The following KIAA1671 variants were observed in gnomAD, a reference collection of about 807,000 sequenced individuals.
KIAA1671 encodes the protein KIAA1671.
KIAA1671 carries 52 observed loss-of-function variants against 131.2 expected under a neutral mutation model. The ratio of observed to expected loss-of-function variants is 0.40; its 90% CI spans 0.32 to 0.50. KIAA1671 has a LOEUF of 0.50. KIAA1671 is among the 20% of genes least tolerant of loss of function. The pLI is 0.73. For missense variants in KIAA1671, 2,360 were observed against 2,364.2 expected, an observed-to-expected ratio of 1.00 and a Z score of 0.04; for synonymous variants, 1,003 against 961.6, an observed-to-expected ratio of 1.04 and a Z score of -0.80.
intron 1 of KIAA1671, among the ~76,000 whole-genome samples, chr22:25,009,094 G>A (rs997485118): frequency 6.6e-6 from 1 of 152,144 alleles, no homozygotes; most frequent in African/African-American, 2.4e-5. Context: ...GGAATGTGGA[G>A]TGGAGGGGAG....
intron 6 of KIAA1671, among the ~76,000 whole-genome samples, chr22:25,088,042 T>C (rs1204975206): frequency 6.6e-6 from 1 of 152,170 alleles, no homozygotes; most frequent in Non-Finnish European, 1.5e-5. Flanking sequence ...TTTGGTAAAA[T>C]GAAAGCTCTT....
At chr22:24,968,282 G>A (rs1418608508) in intron 1 of KIAA1671, among the ~76,000 whole-genome samples, 4 of 152,176 alleles carry the variant, frequency 2.6e-5, no homozygotes, top group African/African-American at 9.7e-5. Context: ...ACCTAGCAGA[G>A]CAGGTGTGAG....
intron 11 of KIAA1671, 83 bp downstream of exon 11, chr22:25,185,202 G>A (rs1004028990): frequency 5.1e-6 from 7 of 1,373,284 alleles, no homozygotes; most frequent in African/African-American, 1.5e-5. Flanking sequence ...AGGTTTTAGA[G>A]CTGAATAGAA....
intron 6 of KIAA1671, among the ~76,000 whole-genome samples, chr22:25,091,005 A>G (rs1382154368): frequency 1.3e-5 from 2 of 152,184 alleles, no homozygotes; most frequent in Non-Finnish European, 2.9e-5. Context: ...ACAGTAGGCA[A>G]TCAGTGAACT....
rs1926826777 is a variant in KIAA1671 at position 25,040,020 on chromosome 22, C to T, written c.2890C>T (p.Leu964Phe). The change falls in exon 5 of 13, where the codon CTT becomes TTT. Residue 964 changes from leucine to phenylalanine, a missense_variant. Transcript: ENST00000358431. ...PNVKFDTFSS[L>F]VPEDSPHVGH... ...CGTGAAATTTGATACATTCAGTTCT[C>T]TTGTCCCAGAGGACTCTCCACATGT... 5 of 1,551,594 alleles carry T rather than the reference C, an allele frequency of 3.2e-6. No homozygotes were observed. Among genetic ancestry groups the T allele is most frequent in the African/African-American group, 1.4e-5 (1 of 73,052 alleles).
intron 1 of KIAA1671, among the ~76,000 whole-genome samples, chr22:24,979,601 G>A (rs1033255967): frequency 3.3e-5 from 5 of 149,602 alleles, no homozygotes; most frequent in African/African-American, 4.9e-5. Flanking sequence ...CGCCCGCCTC[G>A]GCCTCCCAAA....
chr22:25,189,120 CT>C (rs1934576956), intron 11 of KIAA1671, among the ~76,000 whole-genome samples: 1 of 126,772 alleles, frequency 7.9e-6, no homozygotes, highest in African/African-American at 3.4e-5. Context: ...GGAGGCCAGT[CT>C]TTTTCTTTTT....
intron 6 of KIAA1671, among the ~76,000 whole-genome samples, chr22:25,135,601 C>G (rs1932642311): frequency 6.6e-6 from 1 of 152,192 alleles, no homozygotes; most frequent in African/African-American, 2.4e-5. Context: ...TGAAGTCAGA[C>G]ATGTGACTAA....
chr22:25,153,226 G>T (rs1459742010), intron 6 of KIAA1671, among the ~76,000 whole-genome samples: 1 of 152,128 alleles, frequency 6.6e-6, no homozygotes, highest in African/African-American at 2.4e-5. Flanking sequence ...CATCCCCCAA[G>T]AAACAATTTT....
In KIAA1671 at chr22:25,039,359, G is replaced by A. The variant is rs2145804809; in HGVS notation, c.2229G>A (p.Val743=). 1 of 1,551,878 alleles carries A rather than the reference G, an allele frequency of 6.4e-7. No individual in the cohort carries two copies. The highest frequency in any genetic ancestry group is 2.4e-5 in the East Asian group (1 of 40,920). The change falls in exon 5 of 13, where the codon GTG becomes GTA. Residue 743 remains valine, a synonymous_variant. Coordinates refer to ENST00000358431, the MANE Select transcript of KIAA1671 (RefSeq NM_001145206.2). The part of the protein sequence containing the change: ...YDIVHAVGER[V]HSEAISPAPE... ...TTGTGCATGCAGTGGGAGAGCGTGTGCACAGCGAGGCCATCTCACCGGCAC... is the reference window on the plus strand; with the variant it reads ...TTGTGCATGCAGTGGGAGAGCGTGTACACAGCGAGGCCATCTCACCGGCAC...
chr22:25,084,913 C>T (rs2145869467), intron 6 of KIAA1671, among the ~76,000 whole-genome samples: 1 of 152,366 alleles, frequency 6.6e-6, no homozygotes, highest in South Asian at 2.1e-4. Flanking sequence ...GCGTGGGCTT[C>T]CTCACAACAT....
At chr22:25,161,506 A>G (rs1050037906) in intron 6 of KIAA1671, among the ~76,000 whole-genome samples, 3 of 152,212 alleles carry the variant, frequency 2.0e-5, no homozygotes, top group Admixed American at 6.5e-5. Context: ...CGCGTGGCCA[A>G]ATCAGAACAG....
At chr22:25,149,121 C>T (rs138297459) in intron 6 of KIAA1671, among the ~76,000 whole-genome samples, 258 of 152,292 alleles carry the variant, frequency 1.7e-3, no homozygotes, top group Admixed American at 5.2e-3. Flanking sequence ...CAGCCCTTAG[C>T]ACTTCTCATA....
At chr22:24,988,411 T>A (rs1241050300) in intron 1 of KIAA1671, among the ~76,000 whole-genome samples, 2 of 152,084 alleles carry the variant, frequency 1.3e-5, no homozygotes, top group African/African-American at 4.8e-5. Context: ...CATATGATCC[T>A]TTGGGTAGAA....
rs1569004990 is a variant in KIAA1671, at chr22:25,197,249, G to A, written c.*4848G>A. 1 of 152,136 alleles carries A rather than the reference G, an allele frequency of 6.6e-6. No individual in the cohort carries two copies. The highest frequency in any genetic ancestry group is 1.5e-5 in the Non-Finnish European group (1 of 68,024). 9.4% of individuals were successfully genotyped at this position (152,136 alleles called of 1,614,324 possible). The stretch of plus-strand genomic sequence containing the variant: ...TATTTTTAATGTAAAAACAAATGGG[G>A]CTTACCAGACCTCACAGAGTATTGG... On this transcript the variant is annotated 3_prime_UTR_variant, in exon 13 of 13. Transcript: ENST00000358431.
chr22:24,987,296 G>C (rs1923603189), intron 1 of KIAA1671, among the ~76,000 whole-genome samples: 1 of 151,578 alleles, frequency 6.6e-6, no homozygotes, highest in African/African-American at 2.4e-5. Context: ...TCAGCCTCTG[G>C]AGTAGCTGGG....
At position 25,193,758 on chromosome 22, in the gene KIAA1671, C is replaced by G. The variant is rs1206665768; in HGVS notation, c.*1357C>G. ...AGCACCAGGGACAGCAACTGCAGGG[C>G]TGTGAGGCCGGAGCCCACCTTGTGT... On this transcript the variant is annotated 3_prime_UTR_variant, in exon 13 of 13. Transcript: ENST00000358431. The G allele has an allele frequency of 6.6e-6, 1 of 152,236 alleles. No individual in the cohort carries two copies. The highest frequency in any genetic ancestry group is 1.5e-5 in the Non-Finnish European group (1 of 68,094). 9.4% of individuals were successfully genotyped at this position (152,236 alleles called of 1,614,324 possible).
intron 6 of KIAA1671, among the ~76,000 whole-genome samples, chr22:25,073,310 C>A (rs537951749): frequency 1.3e-4 from 20 of 152,296 alleles, no homozygotes; most frequent in African/African-American, 4.3e-4. Context: ...TCAAGCGATC[C>A]TCCCACCTCA....
intron 1 of KIAA1671, among the ~76,000 whole-genome samples, chr22:24,984,215 C>G (rs1018595247): frequency 9.2e-5 from 14 of 152,076 alleles, no homozygotes; most frequent in African/African-American, 3.4e-4. Flanking sequence ...AAGGGTTACC[C>G]CCAAGCACAC....
Sources: allele counts gnomAD v4.1 joint callset (sites outside exome capture counted in the v4.1 genomes callset), GRCh38; gene constraint gnomAD v4.1.1; transcripts MANE v1.5; gene names NCBI Gene and HGNC (gene_info 2026-07-23, HGNC 2026-07-21).